The following APBA1 variants were observed in gnomAD, a reference collection of about 807,000 sequenced individuals.
APBA1 encodes the protein amyloid-beta A4 precursor protein-binding family A member 1.
A neutral mutation model predicts 86.6 loss-of-function variants in APBA1; 55 were observed. The observed-to-expected ratio is 0.64, with a 90% CI of 0.51 to 0.80. The LOEUF (loss-of-function observed/expected upper bound fraction) is 0.80. Ranked by LOEUF, APBA1 falls within the 30% of genes least tolerant of loss-of-function variation. The pLI is 0.00. For synonymous variants in APBA1, 511 were observed against 493.9 expected, an observed-to-expected ratio of 1.03 and a Z score of -0.46; for missense variants, 1,090 against 1,183.0, an observed-to-expected ratio of 0.92 and a Z score of 1.15.
chr9:69,576,613 A>G (rs571182329), intron 1 of APBA1, among the ~76,000 whole-genome samples: 1 of 152,266 alleles, frequency 6.6e-6, no homozygotes, highest in African/African-American at 2.4e-5. Flanking sequence ...AGGACAAAAA[A>G]CCAAACACCT....
chr9:69,540,749 C>G (rs551320839), intron 1 of APBA1, among the ~76,000 whole-genome samples: 1 of 152,302 alleles, frequency 6.6e-6, no homozygotes, highest in South Asian at 2.1e-4. Flanking sequence ...CAGGCATGAA[C>G]TACCGCACCC....
intron 1 of APBA1, among the ~76,000 whole-genome samples, chr9:69,579,669 T>A (rs1564082770): frequency 1.3e-5 from 2 of 152,196 alleles, no homozygotes; most frequent in Non-Finnish European, 1.5e-5. Context: ...TTCTTAAGCA[T>A]CTCACCAAAA....
At chr9:69,492,350 A>G (rs1005236418) in intron 2 of APBA1, among the ~76,000 whole-genome samples, 7 of 152,154 alleles carry the variant, frequency 4.6e-5, no homozygotes, top group Admixed American at 2.6e-4. Context: ...AAGTCTTTTT[A>G]TGATCTGAAC....
intron 1 of APBA1, among the ~76,000 whole-genome samples, chr9:69,621,232 T>C (rs1012060245): frequency 6.6e-6 from 1 of 152,198 alleles, no homozygotes. Context: ...TTGATGCCAG[T>C]GGGATTTCTT....
intron 1 of APBA1, among the ~76,000 whole-genome samples, chr9:69,624,732 G>C (rs191598603): frequency 1.2e-4 from 18 of 152,280 alleles, no homozygotes; most frequent in African/African-American, 4.1e-4. Context: ...CTTGGTTCTT[G>C]AGCAAGGGTT....
chr9:69,524,464 C>T lies in APBA1; in HGVS notation c.-69-7185G>A, dbSNP rs528952832. Among the ~76,000 whole-genome samples, 254 of 152,060 alleles carry T rather than the reference C, an allele frequency of 1.7e-3. 1 individual carries two copies. The highest frequency in any genetic ancestry group is 5.9e-3 in the African/African-American group (244 of 41,512). On this transcript the variant is annotated intron_variant, in intron 1 of 12. Coordinates refer to ENST00000265381, the MANE Select transcript of APBA1 (RefSeq NM_001163.4). ...ACTATTATGAACACCTCTATACACA[C>T]AAACTAGAAAATCTAGAGGAAATGG...
intron 1 of APBA1, among the ~76,000 whole-genome samples, chr9:69,666,620 T>C (rs1823845824): frequency 6.6e-6 from 1 of 152,068 alleles, no homozygotes; most frequent in South Asian, 2.1e-4. Context: ...AATGAATAAA[T>C]TTCATCATTA....
At chr9:69,637,676 G>C (rs1017745686) in intron 1 of APBA1, among the ~76,000 whole-genome samples, 8 of 152,346 alleles carry the variant, frequency 5.3e-5, no homozygotes, top group Admixed American at 2.6e-4. Flanking sequence ...TTCTAATGCA[G>C]AGAAGATGTA....
chr9:69,668,372 A>T (rs895679859), intron 1 of APBA1, among the ~76,000 whole-genome samples: 1 of 151,706 alleles, frequency 6.6e-6, no homozygotes, highest in African/African-American at 2.4e-5. Context: ...TCCCTTCCTC[A>T]CTTTCCAGTG....
chr9:69,458,291 T>C (rs1052976789), intron 5 of APBA1, 103 bp from the exon 6 acceptor site: 6 of 1,028,666 alleles, frequency 5.8e-6, no homozygotes, highest in Non-Finnish European at 8.4e-6. Flanking sequence ...AATAGTGGCA[T>C]AAAGCGTTTC....
intron 6 of APBA1, 142 bp downstream of exon 6, chr9:69,458,014 C>T (rs964492072): frequency 1.1e-5 from 9 of 809,728 alleles, no homozygotes; most frequent in Non-Finnish European, 1.5e-5. Context: ...GAAACGCTGG[C>T]TTATGGGGCG....
chr9:69,597,318 T>A (rs552640393), intron 1 of APBA1, among the ~76,000 whole-genome samples: 1 of 152,366 alleles, frequency 6.6e-6, no homozygotes, highest in African/African-American at 2.4e-5. Flanking sequence ...TGTCTTCTTT[T>A]GAGAAGTGTC....
At chr9:69,583,123 T>C (rs1165070433) in intron 1 of APBA1, among the ~76,000 whole-genome samples, 1 of 152,182 alleles carries the variant, frequency 6.6e-6, no homozygotes, top group African/African-American at 2.4e-5. Flanking sequence ...GTACAGGCGA[T>C]TGACCCCTGT....
At chr9:69,634,535 G>C (rs1442722268) in intron 1 of APBA1, among the ~76,000 whole-genome samples, 2 of 152,178 alleles carry the variant, frequency 1.3e-5, no homozygotes, top group East Asian at 3.8e-4. Context: ...GGTAGAGAGA[G>C]AGATAGAGGT....
At chr9:69,461,630 C>T (rs565545325) in intron 5 of APBA1, 2 of 152,314 alleles carry the variant, frequency 1.3e-5, no homozygotes, top group Admixed American at 6.5e-5. Flanking sequence ...ATGTTATCCT[C>T]ATTTTTCAGA....
intron 2 of APBA1, among the ~76,000 whole-genome samples, chr9:69,482,919 T>G (rs1835540196): frequency 7.6e-6 from 1 of 131,576 alleles, no homozygotes. Flanking sequence ...AATTGAACAA[T>G]GAGATCGCAT....
intron 3 of APBA1, among the ~76,000 whole-genome samples, 156 bp from the exon 4 acceptor site, chr9:69,471,851 T>C (rs1364033049): frequency 6.6e-6 from 1 of 152,206 alleles, no homozygotes; most frequent in African/African-American, 2.4e-5. Context: ...CAGATAAACA[T>C]GCATTTATTA....
intron 1 of APBA1, among the ~76,000 whole-genome samples, chr9:69,640,988 AAG>A (rs991269466): frequency 3.3e-5 from 5 of 151,484 alleles, no homozygotes; most frequent in East Asian, 3.9e-4. Flanking sequence ...AAGAAAGAGA[AAG>A]AGAGAGAGAA....
chr9:69,570,590 A>T (rs1369659147), intron 1 of APBA1, among the ~76,000 whole-genome samples: 1 of 152,196 alleles, frequency 6.6e-6, no homozygotes, highest in Non-Finnish European at 1.5e-5. Flanking sequence ...TAAGTAAATT[A>T]TTTTGTACTA....
Sources: gnomAD v4.1 joint callset for allele counts (sites outside exome capture counted in the v4.1 genomes callset) on GRCh38, gnomAD v4.1.1 for gene constraint, MANE v1.5 for transcripts, NCBI Gene and HGNC (gene_info 2026-07-23, HGNC 2026-07-21) for gene names.